SLC2A13: variants seen among roughly 807,000 people sequenced by gnomAD.
SLC2A13 encodes solute carrier family 2 member 13.
A neutral mutation model predicts 64.4 loss-of-function variants in SLC2A13; 32 were observed. That is an observed-to-expected ratio of 0.50 (90% CI 0.37 to 0.67). The LOEUF (loss-of-function observed/expected upper bound fraction) is 0.67, where lower values mean the gene tolerates loss of function less well. Among genes scored for constraint, SLC2A13 ranks in the 30% least tolerant of loss-of-function variants. The probability of loss-of-function intolerance (pLI) is 0.00; values close to 1 mark genes in which losing one functional copy is unlikely to be tolerated. For missense variants in SLC2A13, 743 were observed against 829.2 expected (o/e 0.90, Z 1.28); for synonymous variants, 338 against 327.1 (o/e 1.03, Z -0.36).
intron 1 of SLC2A13, among the ~76,000 whole-genome samples, chr12:40,051,250 C>T (rs747445521): frequency 2.0e-5 from 3 of 152,118 alleles, no homozygotes; most frequent in Non-Finnish European, 2.9e-5. Flanking sequence ...GTTGGGCAGA[C>T]AATTCTGCAC....
chr12:39,949,685 A>G (rs1946196152), intron 4 of SLC2A13: 1 of 152,212 alleles, frequency 6.6e-6, no homozygotes, highest in Non-Finnish European at 1.5e-5. Flanking sequence ...AAAATCCTTC[A>G]CTTTCTATGC....
intron 3 of SLC2A13, among the ~76,000 whole-genome samples, chr12:39,957,885 G>A (rs994831974): frequency 6.6e-6 from 1 of 152,102 alleles, no homozygotes; most frequent in Non-Finnish European, 1.5e-5. Flanking sequence ...AGCCCCTGAG[G>A]AGCTCATAAT....
chr12:40,017,413 T>C (rs1198284225), intron 3 of SLC2A13, among the ~76,000 whole-genome samples: 1 of 152,212 alleles, frequency 6.6e-6, no homozygotes, highest in Non-Finnish European at 1.5e-5. Context: ...ACCTGCTGTA[T>C]AAAATCCCAG....
intron 2 of SLC2A13, 105 bp from the exon 3 acceptor site, chr12:40,028,614 G>C (rs1278379814): frequency 1.9e-6 from 2 of 1,051,216 alleles, no homozygotes; most frequent in African/African-American, 3.2e-5. Flanking sequence ...TTACTGTGAA[G>C]TTAGCCAGAA....
intron 2 of SLC2A13, among the ~76,000 whole-genome samples, chr12:40,043,426 T>A (rs1948126264): frequency 6.6e-6 from 1 of 151,990 alleles, no homozygotes; most frequent in African/African-American, 2.4e-5. Flanking sequence ...GGTCAGGAGT[T>A]TGAGACCAGC....
At chr12:39,803,552 A>G (rs1268794181) in intron 7 of SLC2A13, among the ~76,000 whole-genome samples, 1 of 152,226 alleles carries the variant, frequency 6.6e-6, no homozygotes, top group African/African-American at 2.4e-5. Context: ...AAAAATACAT[A>G]TATACATACA....
intron 1 of SLC2A13, among the ~76,000 whole-genome samples, chr12:40,065,828 T>G (rs1041896833): frequency 6.6e-6 from 1 of 152,142 alleles, no homozygotes; most frequent in Non-Finnish European, 1.5e-5. Flanking sequence ...TTTACATAAG[T>G]GTTTTATTTC....
chr12:39,772,511 G>A (rs192130730), intron 7 of SLC2A13, among the ~76,000 whole-genome samples: 1 of 151,976 alleles, frequency 6.6e-6, no homozygotes, highest in Non-Finnish European at 1.5e-5. Context: ...GTTTAATTGT[G>A]AGTAGAAAAC....
At chr12:39,807,397 T>A (rs1014824248) in intron 7 of SLC2A13, among the ~76,000 whole-genome samples, 2 of 152,202 alleles carry the variant, frequency 1.3e-5, no homozygotes, top group African/African-American at 4.8e-5. Context: ...ATCAATCTCC[T>A]GGGTGAAACT....
chr12:39,895,631 T>TATGTATATGCGTGTATACGTACAC lies in SLC2A13; in HGVS notation c.1035-23694_1035-23671dup, dbSNP rs2135992350. On this transcript the variant is annotated intron_variant, in intron 4 of 9. Transcript: ENST00000280871. ...ATATACACATATATACGTACACACA[T>TATGTATATGCGTGTATACGTACAC]ATGTATATGCGTGTATACGTACACA... is the stretch of plus-strand genomic sequence containing the variant. Among the ~76,000 whole-genome samples, 2 of 141,440 alleles carry TATGTATATGCGTGTATACGTACAC rather than the reference T, an allele frequency of 1.4e-5. 1 individual carries two copies. The highest frequency in any genetic ancestry group is 5.2e-5 in the African/African-American group (2 of 38,386). 92.8% of individuals were successfully genotyped at this position (141,440 alleles called of 152,430 possible). A position where few individuals can be genotyped will look rare whatever the true frequency, so the allele number is the denominator to read the frequency against.
chr12:39,830,583 G>T, intron 6 of SLC2A13: 2 of 633,744 alleles, frequency 3.2e-6, no homozygotes, highest in Non-Finnish European at 4.0e-6. Flanking sequence ...TTGTGATCCA[G>T]CCCTGACTGG....
chr12:39,887,639 TC>T (rs1289660305), intron 4 of SLC2A13, among the ~76,000 whole-genome samples: 8 of 152,330 alleles, frequency 5.3e-5, no homozygotes, highest in African/African-American at 1.4e-4. Context: ...TACAGCTTCT[TC>T]TATTCCAGTG....
chr12:39,847,635 G>A (rs1340868623), intron 6 of SLC2A13, among the ~76,000 whole-genome samples: 1 of 151,954 alleles, frequency 6.6e-6, no homozygotes, highest in African/African-American at 2.4e-5. Context: ...GAGCCTGGAT[G>A]CCTGATGATA....
Position 39,895,653 on chromosome 12 carries a change from C to CACATATGTATATGCGTGTATACGTAA in SLC2A13, c.1035-23693_1035-23692insTTACGTATACACGCATATACATATGT, listed in dbSNP as rs1944760026. On this transcript the variant is annotated intron_variant, in intron 4 of 9. Coordinates refer to ENST00000280871, the MANE Select transcript of SLC2A13 (RefSeq NM_052885.4). ...ACATATGTATATGCGTGTATACGTA[C>CACATATGTATATGCGTGTATACGTAA]ACACATATGTATATGCGTGTATACG... is the stretch of plus-strand genomic sequence containing the variant. Among the ~76,000 whole-genome samples, 10 of 77,466 alleles carry CACATATGTATATGCGTGTATACGTAA rather than the reference C, an allele frequency of 1.3e-4. 4 individuals are homozygous for CACATATGTATATGCGTGTATACGTAA. Among genetic ancestry groups the CACATATGTATATGCGTGTATACGTAA allele is most frequent in the African/African-American group, 3.9e-4 (8 of 20,374 alleles). The allele number at this position is 77,466 out of a possible 152,430, so 50.8% of individuals were successfully genotyped here. A position where few individuals can be genotyped will look rare whatever the true frequency, so the allele number is the denominator to read the frequency against.
intron 3 of SLC2A13, among the ~76,000 whole-genome samples, chr12:40,021,175 A>G (rs184817448): frequency 4.6e-4 from 70 of 152,326 alleles, no homozygotes; most frequent in African/African-American, 1.3e-3. Context: ...TTAAAAGCCT[A>G]CAAGTAATCT....
chr12:39,950,864 A>C (rs11564120), intron 4 of SLC2A13: 22,884 of 212,920 alleles, frequency 0.11, 1,421 homozygotes, highest in Non-Finnish European at 0.13. Context: ...AGACTGCACC[A>C]AAAAGAAATG....
intron 4 of SLC2A13, among the ~76,000 whole-genome samples, chr12:39,885,302 GAA>G (rs1358343864): frequency 2.6e-5 from 4 of 152,278 alleles, no homozygotes; most frequent in Non-Finnish European, 4.4e-5. Context: ...ATCTCCCGAT[GAA>G]AAGAGTGGGC....
chr12:40,084,361 A>T (rs1278500099), intron 1 of SLC2A13, among the ~76,000 whole-genome samples: 1 of 152,216 alleles, frequency 6.6e-6, no homozygotes, highest in East Asian at 1.9e-4. Flanking sequence ...ACACAAAGCC[A>T]CTTTTTAATG....
chr12:40,012,650 T>A (rs570887217), intron 3 of SLC2A13, among the ~76,000 whole-genome samples: 1 of 152,378 alleles, frequency 6.6e-6, no homozygotes, highest in East Asian at 1.9e-4. Context: ...TTCTACCTTT[T>A]ACTGCTCTGC....
Sources: allele counts gnomAD v4.1 joint callset (sites outside exome capture counted in the v4.1 genomes callset), GRCh38; gene constraint gnomAD v4.1.1; transcripts MANE v1.5; gene names NCBI Gene and HGNC (gene_info 2026-07-23, HGNC 2026-07-21).